Variants in OBI1 observed in about 807,000 individuals in gnomAD.
OBI1 encodes ORC ubiquitin ligase 1.
A neutral mutation model predicts 62.4 loss-of-function variants in OBI1; 59 were observed. The observed-to-expected ratio is 0.95, with a 90% confidence interval of 0.77 to 1.17. OBI1 has a LOEUF of 1.17. Ranked by LOEUF, OBI1 falls within the 50% of genes most tolerant of loss-of-function variation. The pLI, the probability that OBI1 is intolerant of heterozygous loss-of-function variation, is 0.00. For synonymous variants in OBI1, 302 were observed against 292.8 expected (o/e 1.03, Z -0.32); for missense variants, 875 against 830.9 (o/e 1.05, Z -0.65).
At chr13:78,619,297 A>T (rs1875428787) in intron 5 of OBI1, among the ~76,000 whole-genome samples, 1 of 151,544 alleles carries the variant, frequency 6.6e-6, no homozygotes, top group Admixed American at 6.6e-5. Context: ...GTATCATCTT[A>T]AGATACTGTA....
At chr13:78,635,377 G>A (rs527686350) in intron 4 of OBI1, among the ~76,000 whole-genome samples, 179 bp from the exon 5 acceptor site, 5 of 152,148 alleles carry the variant, frequency 3.3e-5, no homozygotes, top group Non-Finnish European at 7.3e-5. Flanking sequence ...GAATACTACT[G>A]AGCATTTTAA....
intron 3 of OBI1, 121 bp from the exon 4 acceptor site, chr13:78,639,192 T>C: frequency 2.1e-6 from 2 of 963,796 alleles, no homozygotes; most frequent in Non-Finnish European, 3.0e-6. Flanking sequence ...ACATAGATTC[T>C]TTACATATCA....
rs183144708 is a variant in OBI1, at chr13:78,614,615, T to C, written c.*965A>G. 125 of 152,684 alleles carry C rather than the reference T, an allele frequency of 8.2e-4. No homozygotes were observed. The highest frequency in any genetic ancestry group is 5.1e-4 in the Non-Finnish European group (35 of 68,040). The allele number at this position is 152,684 out of a possible 1,614,324, so 9.5% of individuals were successfully genotyped here. A position where few individuals can be genotyped will look rare whatever the true frequency, so the allele number is the denominator to read the frequency against. On this transcript the variant is annotated 3_prime_UTR_variant, in exon 6 of 6. Transcript: ENST00000282003. ...AACACAGCAAGCAAAAATGCTACCATGCATAGTTTCCACAAAGAACAGGAA... is the reference window on the plus strand; with the variant it reads ...AACACAGCAAGCAAAAATGCTACCACGCATAGTTTCCACAAAGAACAGGAA...
chr13:78,640,528 G>C (rs1315286761), intron 3 of OBI1, among the ~76,000 whole-genome samples: 1 of 152,140 alleles, frequency 6.6e-6, no homozygotes, highest in African/African-American at 2.4e-5. Context: ...GAGTTATCAA[G>C]ATGATCGTGC....
intron 1 of OBI1, among the ~76,000 whole-genome samples, chr13:78,658,420 G>A (rs1478097111): frequency 6.6e-6 from 1 of 152,122 alleles, no homozygotes; most frequent in Non-Finnish European, 1.5e-5. Context: ...CAAAGAGAGA[G>A]TATTCTATCT....
intron 5 of OBI1, among the ~76,000 whole-genome samples, 155 bp downstream of exon 5, chr13:78,634,952 CCAA>C (rs1875974856): frequency 1.3e-5 from 2 of 152,090 alleles, no homozygotes; most frequent in African/African-American, 2.4e-5. Context: ...TAAAATTTTA[CCAA>C]CAACACGAAG....
chr13:78,649,166 T>C (rs1399769666), intron 1 of OBI1, among the ~76,000 whole-genome samples: 1 of 152,108 alleles, frequency 6.6e-6, no homozygotes, highest in Non-Finnish European at 1.5e-5. Flanking sequence ...TTTGAGTCAC[T>C]GCCATAAAAG....
chr13:78,632,944 C>T (rs1370609540), intron 5 of OBI1, among the ~76,000 whole-genome samples: 8 of 152,156 alleles, frequency 5.3e-5, no homozygotes, highest in South Asian at 4.1e-4. Context: ...CTTTTCTGAG[C>T]GCAGACAGAG....
At chr13:78,650,990 T>A (rs1033649359) in intron 1 of OBI1, among the ~76,000 whole-genome samples, 8 of 152,208 alleles carry the variant, frequency 5.3e-5, no homozygotes, top group Non-Finnish European at 1.2e-4. Flanking sequence ...GTATTATACA[T>A]TAAGTCTAAG....
Position 78,659,079 on chromosome 13 carries a change from CAG to C in OBI1, c.40_41del (p.Leu14AlafsTer29). 1.2e-6 allele frequency: 2 copies of C among 1,612,848 alleles called. No homozygotes were observed. The highest frequency in any genetic ancestry group is 2.2e-5 in the South Asian group (2 of 90,954). On this transcript the variant is annotated frameshift_variant, in exon 1 of 6. Coordinates refer to ENST00000282003, the MANE Select transcript of OBI1 (RefSeq NM_024546.4). LOFTEE classifies it high-confidence loss of function. ...CCAAGCAAATGTGGCACGTGATGGG[CAG>C]AGTGAGCGACAATGTAACATTCTGC... ...TVQNVTLSLT[L>X]PITCHICLGK...
chr13:78,637,046 C>T (rs578260683), intron 4 of OBI1, among the ~76,000 whole-genome samples: 2 of 152,284 alleles, frequency 1.3e-5, no homozygotes, highest in East Asian at 1.9e-4. Flanking sequence ...ACCTTTTGCA[C>T]CTAAAAGAAT....
At position 78,638,945 on chromosome 13, in the gene OBI1, G is replaced by A; in HGVS notation, c.427C>T (p.His143Tyr). The A allele has an allele frequency of 2.5e-6, 4 of 1,613,970 alleles. No individual in the cohort carries two copies. The highest frequency in any genetic ancestry group is 3.4e-6 in the Non-Finnish European group (4 of 1,179,942). ...TTACTTGGATTATCTGTGACTAGAT[G>A]TTTGTCTTCATTTTGGTTGCCCTGC... ...LVQGNQNEDK[H>Y]LVTDNPSKIN... The change falls in exon 4 of 6, where the codon CAT (histidine) becomes TAT (tyrosine). Residue 143 changes from histidine (H) to tyrosine (Y), a missense_variant. His to Tyr is a moderately conservative substitution (Grantham distance 83). Transcript: ENST00000282003.
chr13:78,631,906 G>A (rs1875863568), intron 5 of OBI1, among the ~76,000 whole-genome samples: 1 of 152,102 alleles, frequency 6.6e-6, no homozygotes, highest in South Asian at 2.1e-4. Flanking sequence ...GTTTTTAAAA[G>A]ATTGTATGTA....
intron 1 of OBI1, among the ~76,000 whole-genome samples, chr13:78,647,709 T>C (rs1177475255): frequency 1.3e-5 from 2 of 152,240 alleles, no homozygotes; most frequent in African/African-American, 4.8e-5. Flanking sequence ...ACTTTGTCTC[T>C]GTGTCTTATT....
intron 4 of OBI1, among the ~76,000 whole-genome samples, chr13:78,636,891 T>A (rs775390531): frequency 1.3e-5 from 2 of 152,158 alleles, no homozygotes; most frequent in African/African-American, 4.8e-5. Context: ...CCACCACTAC[T>A]GTATGGCTAT....
intron 4 of OBI1, among the ~76,000 whole-genome samples, chr13:78,638,508 T>C (rs904648307): frequency 2.6e-5 from 4 of 152,198 alleles, no homozygotes; most frequent in Non-Finnish European, 4.4e-5. Context: ...AAAAAACCTA[T>C]GGCAAACCAC....
chr13:78,655,742 C>T (rs576214186), intron 1 of OBI1, among the ~76,000 whole-genome samples: 22 of 152,232 alleles, frequency 1.4e-4, no homozygotes, highest in African/African-American at 5.1e-4. Flanking sequence ...GATCTGGGGA[C>T]ATATGGTAAC....
At chr13:78,638,390 A>G (rs969981638) in intron 4 of OBI1, among the ~76,000 whole-genome samples, 2 of 152,224 alleles carry the variant, frequency 1.3e-5, no homozygotes, top group African/African-American at 4.8e-5. Flanking sequence ...TAAAAATAAG[A>G]GAGTGGTAGC....
intron 1 of OBI1, among the ~76,000 whole-genome samples, chr13:78,646,896 G>C (rs1160153213): frequency 6.6e-6 from 1 of 152,172 alleles, no homozygotes; most frequent in Non-Finnish European, 1.5e-5. Context: ...CTGAACAATT[G>C]CTTTGCCCTG....
Sources: allele counts gnomAD v4.1 joint callset (sites outside exome capture counted in the v4.1 genomes callset), GRCh38; gene constraint gnomAD v4.1.1; transcripts MANE v1.5; gene names NCBI Gene and HGNC (gene_info 2026-07-23, HGNC 2026-07-21).